Variants in PPP1R14C observed in about 807,000 individuals in gnomAD.
PPP1R14C encodes protein phosphatase 1 regulatory subunit 14C.
A neutral mutation model predicts 20.4 loss-of-function variants in PPP1R14C; 16 were observed. The observed-to-expected ratio is 0.78, with a 90% CI of 0.53 to 1.19. The LOEUF (loss-of-function observed/expected upper bound fraction) is 1.19. Ranked by LOEUF, PPP1R14C falls within the 50% of genes most tolerant of loss-of-function variation. PPP1R14C has a pLI of 0.00. For missense variants in PPP1R14C, 211 were observed against 220.1 expected (o/e 0.96, Z 0.26); for synonymous variants, 91 against 91.0 (o/e 1.00, Z 0.00).
intron 3 of PPP1R14C, among the ~76,000 whole-genome samples, chr6:150,217,851 G>C (rs567018134): frequency 4.6e-5 from 7 of 152,298 alleles, no homozygotes; most frequent in South Asian, 2.1e-4. Flanking sequence ...TAATTAAAAG[G>C]GGGGAGGAAA....
At chr6:150,152,954 C>T (rs1161344418) in intron 1 of PPP1R14C, among the ~76,000 whole-genome samples, 1 of 152,166 alleles carries the variant, frequency 6.6e-6, no homozygotes, top group Non-Finnish European at 1.5e-5. Context: ...GGTGGAGGTC[C>T]TGTGATGTGA....
At chr6:150,244,390 T>A (rs1469430720) in intron 3 of PPP1R14C, among the ~76,000 whole-genome samples, 1 of 152,242 alleles carries the variant, frequency 6.6e-6, no homozygotes, top group Non-Finnish European at 1.5e-5. Flanking sequence ...CTCTTGGGTT[T>A]TTCCCCTAGC....
chr6:150,190,781 T>C (rs935580781), intron 1 of PPP1R14C, among the ~76,000 whole-genome samples: 1 of 152,216 alleles, frequency 6.6e-6, no homozygotes, highest in Non-Finnish European at 1.5e-5. Context: ...ACCTTCAAAA[T>C]AGACCCAGAG....
intron 1 of PPP1R14C, among the ~76,000 whole-genome samples, chr6:150,148,878 A>G (rs1397224589): frequency 6.6e-6 from 1 of 152,172 alleles, no homozygotes; most frequent in African/African-American, 2.4e-5. Flanking sequence ...AGCCTGAGGA[A>G]TATGATGAAA....
At chr6:150,222,922 C>T (rs1466840423) in intron 3 of PPP1R14C, among the ~76,000 whole-genome samples, 2 of 151,906 alleles carry the variant, frequency 1.3e-5, no homozygotes, top group African/African-American at 2.4e-5. Flanking sequence ...GCGCGTGCCA[C>T]CACACCCGGC....
intron 1 of PPP1R14C, among the ~76,000 whole-genome samples, chr6:150,211,455 C>T (rs1023716824): frequency 2.0e-5 from 3 of 152,196 alleles, no homozygotes; most frequent in African/African-American, 7.2e-5. Context: ...TTTAGGGACA[C>T]ACCTTTAATG....
chr6:150,220,725 A>G (rs1045878212), intron 3 of PPP1R14C, among the ~76,000 whole-genome samples: 2 of 152,222 alleles, frequency 1.3e-5, no homozygotes, highest in African/African-American at 4.8e-5. Flanking sequence ...TTCGCAGCCA[A>G]CAGTGAAATG....
chr6:150,213,652 C>G (rs1246919230), intron 1 of PPP1R14C, among the ~76,000 whole-genome samples: 1 of 152,162 alleles, frequency 6.6e-6, no homozygotes, highest in African/African-American at 2.4e-5. Flanking sequence ...CTTAAATGCT[C>G]TTTTATTTTG....
chr6:150,188,482 CTTTTTTT>C (rs753993224), intron 1 of PPP1R14C, among the ~76,000 whole-genome samples: 1 of 104,982 alleles, frequency 9.5e-6, no homozygotes, highest in Non-Finnish European at 1.8e-5. Context: ...CAGGAATTAC[CTTTTTTT>C]TTTTTTTTTT....
intron 1 of PPP1R14C, among the ~76,000 whole-genome samples, chr6:150,151,952 C>T (rs1436789302): frequency 6.6e-6 from 1 of 151,928 alleles, no homozygotes; most frequent in Non-Finnish European, 1.5e-5. Context: ...AACCCCGTCT[C>T]TACTAAAAAT....
At chr6:150,222,174 G>GGTGGATCACTAGGCACTTAGATGCCA (rs745633112) in intron 3 of PPP1R14C, among the ~76,000 whole-genome samples, 1 of 151,346 alleles carries the variant, frequency 6.6e-6, no homozygotes, top group African/African-American at 2.5e-5. Flanking sequence ...AGCAGATGCC[G>GGTGGATCACTAGGCACTTAGATGCCA]GGTGCTGATC....
At chr6:150,234,073 A>AT (rs1243048406) in intron 3 of PPP1R14C, among the ~76,000 whole-genome samples, 5 of 152,074 alleles carry the variant, frequency 3.3e-5, no homozygotes, top group African/African-American at 4.8e-5. Context: ...GGGGGAGTCT[A>AT]TTTTTTTTCC....
chr6:150,143,385 C>T lies in PPP1R14C; in HGVS notation c.193C>T (p.Arg65Trp). 1 of 1,612,024 alleles carries T rather than the reference C, an allele frequency of 6.2e-7. No homozygotes were observed. Among genetic ancestry groups the T allele is most frequent in the African/African-American group, 1.3e-5 (1 of 74,818 alleles). ...AGGGCAGGTTCAGCAGCAACAGCAG[C>T]GGCGACACCAGCAGGGAAAAGTGAC... ...AAGQVQQQQQ[R>W]RHQQGKVTVK... Residue 65 changes from arginine (R) to tryptophan (W), a missense_variant, in exon 1 of 4, where the codon CGG (arginine) becomes TGG (tryptophan). Physicochemically the swap from Arg to Trp is moderately radical, Grantham distance 101. Coordinates refer to ENST00000361131, the MANE Select transcript of PPP1R14C (RefSeq NM_030949.3). This position sits in a 1 kb window ranked among gnomAD's most constrained non-coding sequence, Gnocchi z 5.6.
At chr6:150,229,390 A>G (rs1319023630) in intron 3 of PPP1R14C, among the ~76,000 whole-genome samples, 2 of 152,194 alleles carry the variant, frequency 1.3e-5, no homozygotes, top group Non-Finnish European at 2.9e-5. Context: ...ATATATGTGA[A>G]TTTTATTTTA....
intron 1 of PPP1R14C, among the ~76,000 whole-genome samples, chr6:150,159,007 T>C (rs1451678761): frequency 2.0e-5 from 3 of 152,124 alleles, no homozygotes; most frequent in Non-Finnish European, 4.4e-5. Flanking sequence ...TTTGGTGTCT[T>C]CATTTTTGGG....
intron 3 of PPP1R14C, among the ~76,000 whole-genome samples, chr6:150,225,963 A>G (rs1438249939): frequency 1.3e-5 from 2 of 152,184 alleles, no homozygotes; most frequent in Non-Finnish European, 2.9e-5. Context: ...GAATCTTCTA[A>G]TTTCCCAGAA....
chr6:150,157,721 A>T (rs2114856537), intron 1 of PPP1R14C, among the ~76,000 whole-genome samples: 1 of 152,208 alleles, frequency 6.6e-6, no homozygotes, highest in Admixed American at 6.5e-5. Flanking sequence ...GTCAAAACAG[A>T]CCCTGCCCTG....
rs750830427 is a variant in PPP1R14C, at chr6:150,178,712, G to C, written c.306+35214G>C. Reference sequence around the variant, plus strand: ...AATACTGCATCAGAAATAGTAACCAGGGTCTTTATACTGTTGTTTATTTCA... The same window carrying C: ...AATACTGCATCAGAAATAGTAACCACGGTCTTTATACTGTTGTTTATTTCA... On this transcript the variant is annotated intron_variant, in intron 1 of 3. Transcript: ENST00000361131. 4.1e-4 allele frequency among the ~76,000 whole-genome samples: 63 copies of C among 152,168 alleles called. 1 individual carries two copies. Among genetic ancestry groups the C allele is most frequent in the South Asian group, 1.7e-3 (8 of 4,834 alleles).
chr6:150,216,702 A>T, intron 2 of PPP1R14C, 122 bp from the exon 3 acceptor site: 1 of 713,950 alleles, frequency 1.4e-6, no homozygotes, highest in Non-Finnish European at 2.3e-6. Context: ...TCTAGATAGT[A>T]TGAAATCTTG....
Sources: gnomAD v4.1 joint callset for allele counts (sites outside exome capture counted in the v4.1 genomes callset) on GRCh38, gnomAD v4.1.1 for gene constraint, Gnocchi (gnomAD v3.1) non-coding constraint, MANE v1.5 for transcripts, NCBI Gene and HGNC (gene_info 2026-07-23, HGNC 2026-07-21) for gene names.